Variants in STK35 observed in about 807,000 individuals in gnomAD.
STK35 encodes the protein serine/threonine kinase 35, also known as serine/threonine-protein kinase 35.
A neutral mutation model predicts 37.3 loss-of-function variants in STK35; 17 were observed. The ratio of observed to expected loss-of-function variants is 0.46; its 90% CI spans 0.31 to 0.68. The LOEUF (loss-of-function observed/expected upper bound fraction) is 0.68, where lower values mean the gene tolerates loss of function less well. STK35 is among the 30% of genes least tolerant of loss of function. STK35 has a pLI of 0.05. For synonymous variants in STK35, 385 were observed against 319.1 expected (o/e 1.21, Z -2.20); for missense variants, 595 against 746.7 (o/e 0.80, Z 2.37).
At chr20:2,127,694 G>C (rs141672882) in intron 3 of STK35, among the ~76,000 whole-genome samples, 1 of 152,208 alleles carries the variant, frequency 6.6e-6, no homozygotes, top group Non-Finnish European at 1.5e-5. Flanking sequence ...GGTACCAACA[G>C]GTATAGCAGG....
chr20:2,115,085 A>G (rs1260796029), intron 2 of STK35, among the ~76,000 whole-genome samples: 1 of 152,190 alleles, frequency 6.6e-6, no homozygotes, highest in African/African-American at 2.4e-5. Flanking sequence ...TCTGCCCTAA[A>G]CTGGTTCTAC....
rs116897681 is a variant in STK35, at chr20:2,114,944, A to T, written c.893-1722A>T. Among the ~76,000 whole-genome samples, 804 of 152,214 alleles carry T rather than the reference A, an allele frequency of 5.3e-3. 5 individuals carry two copies. The highest frequency in any genetic ancestry group is 7.8e-3 in the Non-Finnish European group (530 of 68,016). ...CTTGCTCTCCTTTTTGTGGGTCTTT[A>T]GCATCTGGATTGACTTGGGCTTCAG... On this transcript the variant is annotated intron_variant, in intron 2 of 3. Coordinates refer to ENST00000381482, the MANE Select transcript of STK35 (RefSeq NM_080836.4).
At chr20:2,109,282 G>T (rs964914044) in intron 2 of STK35, among the ~76,000 whole-genome samples, 1 of 152,238 alleles carries the variant, frequency 6.6e-6, no homozygotes, top group Non-Finnish European at 1.5e-5. Flanking sequence ...AAGAGCTGAG[G>T]CTTAGGTGTG....
intron 2 of STK35, among the ~76,000 whole-genome samples, chr20:2,110,450 A>G (rs1027576244): frequency 4.6e-5 from 7 of 152,308 alleles, no homozygotes; most frequent in East Asian, 1.9e-4. Context: ...TGGTATTACC[A>G]TAGTTAACTG....
intron 1 of STK35, among the ~76,000 whole-genome samples, 186 bp downstream of exon 1, chr20:2,102,361 T>G (rs1277789079): frequency 6.6e-6 from 1 of 152,116 alleles, no homozygotes; most frequent in African/African-American, 2.4e-5. Context: ...CGCTAGGGCT[T>G]AATTCAATGG....
chr20:2,108,222 G>A (rs910185256), intron 2 of STK35, among the ~76,000 whole-genome samples: 2 of 152,176 alleles, frequency 1.3e-5, no homozygotes, highest in African/African-American at 4.8e-5. Context: ...GAAACTAATG[G>A]CTCAGGCCGT....
intron 2 of STK35, among the ~76,000 whole-genome samples, chr20:2,106,445 C>T (rs2122540261): frequency 6.6e-6 from 1 of 152,280 alleles, no homozygotes; most frequent in Admixed American, 6.5e-5. Flanking sequence ...AAAAGCAAAG[C>T]AAAACACACC....
chr20:2,144,325 G>A lies in STK35; in HGVS notation c.*579G>A, dbSNP rs1472368694. ...TGCAGGAACTCCTGGACTCCTTGGT[G>A]GGCTGGCCCTGGCTAGCCCTTGGGC... On this transcript the variant is annotated 3_prime_UTR_variant, in exon 4 of 4. Transcript: ENST00000381482. The A allele has an allele frequency of 5.6e-6, 1 of 180,048 alleles. No homozygotes were observed. Among genetic ancestry groups the A allele is most frequent in the Non-Finnish European group, 1.2e-5 (1 of 85,808 alleles). The allele number at this position is 180,048 out of a possible 1,614,324, so 11.2% of individuals were successfully genotyped here.
At chr20:2,104,576 C>T (rs899807755) in intron 2 of STK35, among the ~76,000 whole-genome samples, 1 of 152,046 alleles carries the variant, frequency 6.6e-6, no homozygotes, top group Non-Finnish European at 1.5e-5. Flanking sequence ...CTGTTCTCTG[C>T]ACCCTGAGGA....
chr20:2,117,091 C>T lies in STK35; in HGVS notation c.1318C>T (p.Leu440=). The stretch of plus-strand genomic sequence containing the variant: ...CACAGCCAAGGCGGACATCTTTGCC[C>T]TGGGCATTATCATCTGGGCAATGAT... ...HYTAKADIFA[L]GIIIWAMIER... is the part of the protein sequence containing the mutation. The change falls in exon 3 of 4, where the codon CTG becomes TTG. Residue 440 remains leucine, a synonymous_variant. Transcript: ENST00000381482. This position sits in a 1 kb window ranked among gnomAD's most constrained non-coding sequence, Gnocchi z 4.4. 1.2e-6 allele frequency: 2 copies of T among 1,613,920 alleles called. No homozygotes were observed. Among genetic ancestry groups the T allele is most frequent in the East Asian group, 2.2e-5 (1 of 44,870 alleles).
At chr20:2,124,182 C>A (rs1985865578) in intron 3 of STK35, among the ~76,000 whole-genome samples, 1 of 152,052 alleles carries the variant, frequency 6.6e-6, no homozygotes, top group Non-Finnish European at 1.5e-5. Flanking sequence ...ATTTCCTGCC[C>A]ACAAAGCCCA....
chr20:2,121,742 C>T (rs190329507), intron 3 of STK35, among the ~76,000 whole-genome samples: 21 of 152,090 alleles, frequency 1.4e-4, no homozygotes, highest in Admixed American at 1.3e-4. Flanking sequence ...GGGGAAAAGA[C>T]ATCAAGAGGA....
At chr20:2,103,401 C>T in intron 2 of STK35, 36 bp downstream of exon 2, 1 of 1,572,278 alleles carries the variant, frequency 6.4e-7, no homozygotes, top group Non-Finnish European at 8.7e-7. Flanking sequence ...CCACGCAGGG[C>T]CTGGACCCCC....
chr20:2,102,751 G>A lies in STK35; in HGVS notation c.295-17G>A, dbSNP rs1281711128. ...CCCGCCTTGGCCTGGCCGTTTAACC[G>A]ATTCTTTCGCCCGCAGGTCACAATC... is the stretch of plus-strand genomic sequence containing the variant. On this transcript the variant is annotated splice_polypyrimidine_tract_variant and intron_variant, in intron 1 of 3. Transcript: ENST00000381482. 2 of 1,410,434 alleles carry A rather than the reference G, an allele frequency of 1.4e-6. No homozygotes were observed. The highest frequency in any genetic ancestry group is 2.9e-5 in the South Asian group (2 of 69,876). 87.4% of individuals were successfully genotyped at this position (1,410,434 alleles called of 1,614,324 possible).
intron 1 of STK35, among the ~76,000 whole-genome samples, chr20:2,102,424 AG>A (rs1179067067): frequency 1.3e-5 from 2 of 152,158 alleles, no homozygotes; most frequent in Non-Finnish European, 2.9e-5. Flanking sequence ...AGCGTCACAG[AG>A]GGGGCCAAGC....
chr20:2,133,193 T>A (rs1035161608), intron 3 of STK35, among the ~76,000 whole-genome samples: 2 of 152,188 alleles, frequency 1.3e-5, no homozygotes, highest in African/African-American at 2.4e-5. Flanking sequence ...CTTCTTGGCA[T>A]CTTTCTTATA....
intron 2 of STK35, among the ~76,000 whole-genome samples, chr20:2,114,618 G>A: frequency 6.6e-6 from 1 of 152,116 alleles, no homozygotes; most frequent in East Asian, 1.9e-4. Flanking sequence ...CTTCCTCAGA[G>A]CAGCTCCTCA....
In STK35 at chr20:2,117,413, T is replaced by C. The variant is rs756859730; in HGVS notation, c.*35T>C. 6.6e-7 allele frequency: 1 copy of C among 1,508,818 alleles called. No homozygotes were observed. The highest frequency in any genetic ancestry group is 1.9e-5 in the Admixed American group (1 of 53,628). The allele number at this position is 1,508,818 out of a possible 1,614,324, so 93.5% of individuals were successfully genotyped here. ...CTAAGCATTTTGGGTGATTTTAAAC[T>C]AGGTGAGTGCTCTCTGTTGTTGTTT... On this transcript the variant is annotated splice_region_variant and 3_prime_UTR_variant, in exon 3 of 4. Coordinates refer to ENST00000381482, the MANE Select transcript of STK35 (RefSeq NM_080836.4). This position sits in a 1 kb window ranked among gnomAD's most constrained non-coding sequence, Gnocchi z 4.4.
chr20:2,109,980 C>G (rs1189155855), intron 2 of STK35, among the ~76,000 whole-genome samples: 1 of 152,262 alleles, frequency 6.6e-6, no homozygotes, highest in African/African-American at 2.4e-5. Flanking sequence ...TGGCAGCCAA[C>G]AGAACAAGTC....
Sources: gnomAD v4.1 joint callset for allele counts (sites outside exome capture counted in the v4.1 genomes callset) on GRCh38, gnomAD v4.1.1 for gene constraint, Gnocchi (gnomAD v3.1) non-coding constraint, MANE v1.5 for transcripts, NCBI Gene and HGNC (gene_info 2026-07-23, HGNC 2026-07-21) for gene names.